The following PRKG1 variants were observed in gnomAD, a reference collection of about 807,000 sequenced individuals.
The protein encoded by PRKG1 is cGMP-dependent protein kinase 1.
In PRKG1, 35 loss-of-function variants were observed where a neutral mutation model predicts 88.1. The ratio of observed to expected loss-of-function variants is 0.40; its 90% CI spans 0.30 to 0.53. The LOEUF is 0.53. Ranked by LOEUF, PRKG1 falls within the 20% of genes least tolerant of loss-of-function variation. The pLI, the probability that PRKG1 is intolerant of heterozygous loss-of-function variation, is 0.59. For synonymous variants in PRKG1, 303 were observed against 292.5 expected (o/e 1.04, Z -0.37); for missense variants, 540 against 839.8 (o/e 0.64, Z 4.41).
At chr10:51,945,680 G>A (rs1294008735) in intron 5 of PRKG1, among the ~76,000 whole-genome samples, 1 of 150,320 alleles carries the variant, frequency 6.7e-6, no homozygotes, top group Admixed American at 6.6e-5. Context: ...GCATTTGCTT[G>A]TCTGTAAAGG....
chr10:51,796,552 G>A (rs964341084), intron 3 of PRKG1, among the ~76,000 whole-genome samples: 7 of 152,022 alleles, frequency 4.6e-5, no homozygotes, highest in Admixed American at 2.0e-4. Flanking sequence ...CATATCAAGG[G>A]CTAAGCTTGA....
At chr10:51,520,125 A>G (rs952569336) in intron 3 of PRKG1, among the ~76,000 whole-genome samples, 5 of 151,970 alleles carry the variant, frequency 3.3e-5, no homozygotes, top group African/African-American at 9.6e-5. Flanking sequence ...AGCCTAAAGA[A>G]CTCCAATATC....
chr10:51,083,730 G>A (rs940680059), intron 1 of PRKG1, among the ~76,000 whole-genome samples: 2 of 152,118 alleles, frequency 1.3e-5, no homozygotes, highest in Admixed American at 6.6e-5. Flanking sequence ...ATCTTGGTGT[G>A]TCCCTCATGA....
intron 3 of PRKG1, among the ~76,000 whole-genome samples, chr10:51,596,493 A>G (rs915786491): frequency 6.6e-6 from 1 of 152,210 alleles, no homozygotes; most frequent in Non-Finnish European, 1.5e-5. Flanking sequence ...CTTCCAATAG[A>G]ATGGAAGAAG....
At chr10:51,157,007 T>G (rs995426384) in intron 2 of PRKG1, among the ~76,000 whole-genome samples, 1 of 152,012 alleles carries the variant, frequency 6.6e-6, no homozygotes, top group Non-Finnish European at 1.5e-5. Context: ...CTCTCTTTAG[T>G]GAAATTAAGT....
chr10:51,793,539 A>G (rs1302978730), intron 3 of PRKG1, among the ~76,000 whole-genome samples: 1 of 152,126 alleles, frequency 6.6e-6, no homozygotes, highest in Non-Finnish European at 1.5e-5. Flanking sequence ...CAAGTACAGG[A>G]TGGTCAAAGG....
chr10:51,267,868 G>A (rs1839876812), intron 2 of PRKG1, among the ~76,000 whole-genome samples: 1 of 152,172 alleles, frequency 6.6e-6, no homozygotes, highest in African/African-American at 2.4e-5. Flanking sequence ...CAGAGTGGGA[G>A]AAAATATTTG....
At chr10:51,336,744 A>G (rs1042174990) in intron 2 of PRKG1, among the ~76,000 whole-genome samples, 3 of 152,170 alleles carry the variant, frequency 2.0e-5, no homozygotes, top group Admixed American at 1.3e-4. Flanking sequence ...CCAGTAATAA[A>G]TGGACACTTC....
At chr10:51,168,334 A>G (rs1304533821) in intron 2 of PRKG1, among the ~76,000 whole-genome samples, 1 of 152,160 alleles carries the variant, frequency 6.6e-6, no homozygotes, top group African/African-American at 2.4e-5. Context: ...GCTAGACATC[A>G]ATTAGATTTC....
intron 2 of PRKG1, among the ~76,000 whole-genome samples, chr10:51,292,056 A>G (rs1387233760): frequency 2.6e-5 from 4 of 152,154 alleles, no homozygotes; most frequent in African/African-American, 9.7e-5. Flanking sequence ...CCTTAAAAAG[A>G]CAGAGCTGCA....
Position 51,447,418 on chromosome 10 carries a change from C to A in PRKG1, c.479-20305C>A, listed in dbSNP as rs541361947. 5.7e-4 allele frequency among the ~76,000 whole-genome samples: 87 copies of A among 152,096 alleles called. 1 individual carries two copies. Among genetic ancestry groups the A allele is most frequent in the Middle Eastern group, 3.4e-3 (1 of 294 alleles). ...CTATTAGCAAGATTTAGCATTCTTG[C>A]GAGTTTAGCTCTGACCAGTCTTCAG... On this transcript the variant is annotated intron_variant, in intron 2 of 17. Coordinates refer to ENST00000373980, the MANE Select transcript of PRKG1 (RefSeq NM_006258.4).
chr10:51,278,765 T>G (rs1339864750), intron 2 of PRKG1, among the ~76,000 whole-genome samples: 2 of 152,216 alleles, frequency 1.3e-5, no homozygotes, highest in Non-Finnish European at 2.9e-5. Context: ...TATTCTCTGA[T>G]GGTAGTTTGT....
At chr10:52,156,884 A>C (rs1244442353) in intron 8 of PRKG1, among the ~76,000 whole-genome samples, 1 of 151,712 alleles carries the variant, frequency 6.6e-6, no homozygotes, top group Admixed American at 6.6e-5. Context: ...GATTCAGGTT[A>C]ACAAAGCATA....
chr10:52,284,114 C>G (rs561219481), intron 14 of PRKG1, among the ~76,000 whole-genome samples: 6 of 151,704 alleles, frequency 4.0e-5, no homozygotes, highest in Non-Finnish European at 8.8e-5. Context: ...AGAAATTGCA[C>G]AGGTTACAAT....
chr10:52,259,971 T>C (rs1841394753), intron 10 of PRKG1, among the ~76,000 whole-genome samples: 1 of 151,984 alleles, frequency 6.6e-6, no homozygotes, highest in African/African-American at 2.4e-5. Context: ...GAAGAAGTTA[T>C]CTTTTTCTTT....
chr10:51,393,925 G>A (rs1267144682), intron 2 of PRKG1, among the ~76,000 whole-genome samples: 1 of 152,090 alleles, frequency 6.6e-6, no homozygotes, highest in Non-Finnish European at 1.5e-5. Flanking sequence ...TTAGTTAGAA[G>A]TAAACATTTT....
chr10:51,780,474 G>T (rs1242934420), intron 3 of PRKG1, among the ~76,000 whole-genome samples: 1 of 152,068 alleles, frequency 6.6e-6, no homozygotes, highest in East Asian at 1.9e-4. Context: ...ACATTCTAAA[G>T]AACTTTAAAA....
In PRKG1 at chr10:51,077,523, AT is replaced by A. The variant is rs1040879403; in HGVS notation, c.311+2630del. On this transcript the variant is annotated intron_variant, in intron 1 of 17. Coordinates refer to ENST00000373980, the MANE Select transcript of PRKG1 (RefSeq NM_006258.4). ...CTAAGGTTGCCTTCTGAGGATTATA[AT>A]TTTTTTTAGTTCTGGTTTCTTGGTA... 6.7e-4 allele frequency among the ~76,000 whole-genome samples: 102 copies of A among 152,090 alleles called. 1 individual carries two copies. Among genetic ancestry groups the A allele is most frequent in the African/African-American group, 2.2e-3 (93 of 41,494 alleles).
chr10:51,756,642 C>T (rs1837872930), intron 3 of PRKG1, among the ~76,000 whole-genome samples: 1 of 151,940 alleles, frequency 6.6e-6, no homozygotes, highest in African/African-American at 2.4e-5. Flanking sequence ...GGTGAAACCC[C>T]ATCTCTACTA....
Sources: allele counts gnomAD v4.1 joint callset (sites outside exome capture counted in the v4.1 genomes callset), GRCh38; gene constraint gnomAD v4.1.1; transcripts MANE v1.5; gene names NCBI Gene and HGNC (gene_info 2026-07-23, HGNC 2026-07-21).